The following PPP6R3 variants were observed in gnomAD, a reference collection of about 807,000 sequenced individuals.
The protein encoded by PPP6R3 is protein phosphatase 6 regulatory subunit 3, also known as serine/threonine-protein phosphatase 6 regulatory subunit 3.
PPP6R3 carries 38 observed loss-of-function variants against 110.7 expected under a neutral mutation model. That is an observed-to-expected ratio of 0.34 (90% CI 0.26 to 0.45). The LOEUF is 0.45. PPP6R3 is among the 20% of genes least tolerant of loss of function. The pLI is 1.00. For missense variants in PPP6R3, 870 were observed against 1,062.4 expected, an observed-to-expected ratio of 0.82 and a Z score of 2.52; for synonymous variants, 369 against 373.5, an observed-to-expected ratio of 0.99 and a Z score of 0.14.
intron 7 of PPP6R3, among the ~76,000 whole-genome samples, chr11:68,554,608 A>G (rs2099392511): frequency 6.6e-6 from 1 of 152,204 alleles, no homozygotes; most frequent in Non-Finnish European, 1.5e-5. Context: ...TGTGCATTTT[A>G]TTCAGCAGCT....
At chr11:68,587,184 C>G (rs1410157501) in intron 15 of PPP6R3, 2 of 150,372 alleles carry the variant, frequency 1.3e-5, no homozygotes, top group Admixed American at 6.6e-5. Flanking sequence ...ACACCCCCCC[C>G]CCCCACATTT....
chr11:68,558,377 G>GGTGCAT (rs1225660637), intron 7 of PPP6R3, 189 bp from the exon 8 acceptor site: 2 of 410,738 alleles, frequency 4.9e-6, no homozygotes, highest in Non-Finnish European at 8.7e-6. Context: ...TTTGTGTGCG[G>GGTGCAT]GTGCATGTGT....
At position 68,492,184 on chromosome 11, in the gene PPP6R3, G is replaced by A. The variant is rs914885399; in HGVS notation, c.-157-27317G>A. The stretch of plus-strand genomic sequence containing the variant: ...TTTTTTATTTTTAAATTTTTTAGAG[G>A]CAGAGTCTTGCTCTGTTGCTGGACT... On this transcript the variant is annotated intron_variant, in intron 1 of 23. Coordinates refer to ENST00000393800, the MANE Select transcript of PPP6R3 (RefSeq NM_001164161.2). 1.1e-4 allele frequency among the ~76,000 whole-genome samples: 17 copies of A among 152,132 alleles called. No homozygotes were observed. In the East Asian group the frequency reaches 2.1e-3, roughly 19 times the overall value.
At chr11:68,569,699 G>A in intron 10 of PPP6R3, 49 bp from the exon 11 acceptor site, 4 of 1,426,140 alleles carry the variant, frequency 2.8e-6, no homozygotes, top group East Asian at 2.4e-5. Context: ...TTAAGTATTG[G>A]CTTAAACATT....
chr11:68,591,613 G>T lies in PPP6R3; in HGVS notation c.1823G>T (p.Arg608Ile). Residue 608 changes from arginine (R) to isoleucine (I), a missense_variant, in exon 18 of 24, where the codon AGA (arginine) becomes ATA (isoleucine). By Grantham distance (97) the Arg-to-Ile change is moderately conservative. Coordinates refer to ENST00000393800, the MANE Select transcript of PPP6R3 (RefSeq NM_001164161.2). ...TTGTTTGAAGCATGTTGTAAGGAAA[G>T]AATACAACAGTTTGATGATGGTGGC... ...IALFEACCKE[R>I]IQQFDDGGSD... is the part of the protein sequence containing the mutation. The T allele has an allele frequency of 6.2e-7, 1 of 1,611,850 alleles. No individual in the cohort carries two copies. The highest frequency in any genetic ancestry group is 8.5e-7 in the Non-Finnish European group (1 of 1,178,940).
intron 5 of PPP6R3, among the ~76,000 whole-genome samples, chr11:68,549,185 C>T (rs1408390939): frequency 1.3e-5 from 2 of 152,248 alleles, no homozygotes; most frequent in African/African-American, 2.4e-5. Context: ...GCCACTGCTC[C>T]CGGTCCCCCT....
chr11:68,607,116 G>T (rs1940541460), intron 22 of PPP6R3, among the ~76,000 whole-genome samples: 2 of 152,140 alleles, frequency 1.3e-5, no homozygotes, highest in East Asian at 3.8e-4. Flanking sequence ...AGTGTTTAAC[G>T]CAGTCTCAAT....
chr11:68,503,014 G>A (rs545268473), intron 1 of PPP6R3, among the ~76,000 whole-genome samples: 1 of 152,296 alleles, frequency 6.6e-6, no homozygotes, highest in African/African-American at 2.4e-5. Context: ...TGTGATACTG[G>A]CTCACTACAA....
chr11:68,490,188 C>T (rs1219830768), intron 1 of PPP6R3, among the ~76,000 whole-genome samples: 1 of 152,024 alleles, frequency 6.6e-6, no homozygotes, highest in East Asian at 1.9e-4. Flanking sequence ...TTGAAGGATA[C>T]TTTTTCAGGG....
intron 3 of PPP6R3, among the ~76,000 whole-genome samples, chr11:68,543,576 T>A (rs1428148874): frequency 6.6e-6 from 1 of 152,218 alleles, no homozygotes; most frequent in Non-Finnish European, 1.5e-5. Flanking sequence ...CTTGCTTGCC[T>A]TGGATGCCCC....
chr11:68,466,733 CTCCCGAGTAGCTGGGACTACAGGTGCCT>C (rs2098749719), intron 1 of PPP6R3, among the ~76,000 whole-genome samples: 1 of 152,220 alleles, frequency 6.6e-6, no homozygotes, highest in African/African-American at 2.4e-5. Flanking sequence ...CTGCCTCAGC[CTCCCGAGTAGCTGGGACTACAGGTGCCT>C]GCCACCACGC....
chr11:68,553,773 C>G (rs144582284), intron 6 of PPP6R3, among the ~76,000 whole-genome samples: 1 of 152,156 alleles, frequency 6.6e-6, no homozygotes, highest in Non-Finnish European at 1.5e-5. Flanking sequence ...GGTTGGGCAT[C>G]CTGGACCTAG....
chr11:68,521,707 A>C (rs1267362542), intron 2 of PPP6R3, among the ~76,000 whole-genome samples: 1 of 152,244 alleles, frequency 6.6e-6, no homozygotes, highest in Non-Finnish European at 1.5e-5. Context: ...CCAAGAGGCA[A>C]AAAAGAGGAT....
intron 1 of PPP6R3, among the ~76,000 whole-genome samples, chr11:68,461,831 C>A (rs1419307437): frequency 6.6e-6 from 1 of 152,104 alleles, no homozygotes; most frequent in African/African-American, 2.4e-5. Context: ...GGGACGTTTA[C>A]TTTGATTTTG....
intron 2 of PPP6R3, chr11:68,535,430 C>T (rs2099264740): frequency 6.6e-6 from 1 of 152,184 alleles, no homozygotes; most frequent in South Asian, 2.1e-4. Context: ...TGCTGAACAT[C>T]AGTCCTCCAC....
intron 19 of PPP6R3, among the ~76,000 whole-genome samples, chr11:68,596,985 G>A (rs934941620): frequency 2.0e-5 from 3 of 152,196 alleles, no homozygotes; most frequent in African/African-American, 7.2e-5. Context: ...ATAAGGAAAC[G>A]GGATGGGAGA....
Position 68,537,758 on chromosome 11 carries a change from G to T in PPP6R3, c.94G>T (p.Asp32Tyr), listed in dbSNP as rs1177423488. The T allele has an allele frequency of 6.2e-7, 1 of 1,612,624 alleles. No homozygotes were observed. Among genetic ancestry groups the T allele is most frequent in the Middle Eastern group, 1.7e-4 (1 of 6,060 alleles). ...ACTGAAGGAGTTAATGGATGAGGAA[G>T]ATGTTTTACAGGAATGTAAAGCTCA... ...VTLKELMDEE[D>Y]VLQECKAQNR... is the part of the protein sequence containing the mutation. Residue 32 changes from aspartate to tyrosine, a missense_variant, in exon 3 of 24, where the codon GAT becomes TAT. Asp to Tyr is a radical substitution (Grantham distance 160). Coordinates refer to ENST00000393800, the MANE Select transcript of PPP6R3 (RefSeq NM_001164161.2).
intron 1 of PPP6R3, among the ~76,000 whole-genome samples, chr11:68,475,629 G>T: frequency 6.7e-6 from 1 of 149,580 alleles, no homozygotes; most frequent in African/African-American, 2.5e-5. Context: ...CTGGCCGGGT[G>T]GGGGCTGCCC....
At chr11:68,556,002 T>C (rs1038875421) in intron 7 of PPP6R3, among the ~76,000 whole-genome samples, 1 of 152,240 alleles carries the variant, frequency 6.6e-6, no homozygotes, top group Non-Finnish European at 1.5e-5. Context: ...AGTAAACTTA[T>C]TAATCATAAT....
Sources: gnomAD v4.1 joint callset for allele counts (sites outside exome capture counted in the v4.1 genomes callset) on GRCh38, gnomAD v4.1.1 for gene constraint, MANE v1.5 for transcripts, NCBI Gene and HGNC (gene_info 2026-07-23, HGNC 2026-07-21) for gene names.